The following SLAIN2 variants were observed in gnomAD, a reference collection of about 807,000 sequenced individuals.
SLAIN2 encodes the protein SLAIN family member 2.
Under a neutral mutation model 56.6 loss-of-function variants are expected in SLAIN2, and 31 were observed. The observed-to-expected ratio is 0.55, with a 90% confidence interval of 0.41 to 0.74. SLAIN2 has a LOEUF of 0.74. Among genes scored for constraint, SLAIN2 ranks in the 30% least tolerant of loss-of-function variants. The probability of loss-of-function intolerance (pLI) is 0.00; values close to 1 mark genes in which losing one functional copy is unlikely to be tolerated. For synonymous variants in SLAIN2, 317 were observed against 284.9 expected (o/e 1.11, Z -1.13); for missense variants, 777 against 754.2 (o/e 1.03, Z -0.35).
At chr4:48,352,159 A>G (rs1421540509) in intron 1 of SLAIN2, among the ~76,000 whole-genome samples, 1 of 152,332 alleles carries the variant, frequency 6.6e-6, no homozygotes, top group African/African-American at 2.4e-5. Flanking sequence ...TGGCAATAGT[A>G]TGTAGGCGAG....
At chr4:48,381,574 G>A (rs1175222827) in intron 4 of SLAIN2, among the ~76,000 whole-genome samples, 5 of 152,158 alleles carry the variant, frequency 3.3e-5, no homozygotes, top group South Asian at 4.1e-4. Flanking sequence ...TAGACACTAA[G>A]TAACTTGTTG....
intron 6 of SLAIN2, among the ~76,000 whole-genome samples, chr4:48,413,063 A>G (rs1716907633): frequency 6.6e-6 from 1 of 152,000 alleles, no homozygotes; most frequent in Non-Finnish European, 1.5e-5. Flanking sequence ...CTCCGTCTCT[A>G]CCAAAAAAAA....
chr4:48,351,125 C>CA (rs1388452486), intron 1 of SLAIN2, among the ~76,000 whole-genome samples: 3 of 152,140 alleles, frequency 2.0e-5, no homozygotes, highest in African/African-American at 7.2e-5. Context: ...AGAAAGTACC[C>CA]AATTATGTGT....
At chr4:48,361,071 A>G (rs557278323) in intron 1 of SLAIN2, among the ~76,000 whole-genome samples, 2 of 152,244 alleles carry the variant, frequency 1.3e-5, no homozygotes, top group African/African-American at 2.4e-5. Flanking sequence ...TGACAGGGCA[A>G]TCTAAATGTC....
intron 4 of SLAIN2, among the ~76,000 whole-genome samples, chr4:48,382,250 G>T (rs1257740459): frequency 6.6e-6 from 1 of 151,948 alleles, no homozygotes; most frequent in East Asian, 1.9e-4. Context: ...TCTCAAATTT[G>T]GATTACTGTC....
intron 6 of SLAIN2, among the ~76,000 whole-genome samples, chr4:48,404,555 A>G (rs571002561): frequency 5.2e-4 from 79 of 152,342 alleles, no homozygotes; most frequent in African/African-American, 1.9e-3. Context: ...TATGATTTTG[A>G]TATGTAAAAT....
rs1361615262 is a variant in SLAIN2 at position 48,424,039 on chromosome 4, A to G, written c.*1962A>G. ...CTAATAATTAAAAGGAATTTTACCT[A>G]TTATGAAACATATTACATTTTTTAA... On this transcript the variant is annotated 3_prime_UTR_variant, in exon 8 of 8. Transcript: ENST00000264313. 6.6e-6 allele frequency: 1 copy of G among 152,208 alleles called. No homozygotes were observed. The highest frequency in any genetic ancestry group is 1.5e-5 in the Non-Finnish European group (1 of 68,030). 9.4% of individuals were successfully genotyped at this position (152,208 alleles called of 1,614,324 possible). A position where few individuals can be genotyped will look rare whatever the true frequency, so the allele number is the denominator to read the frequency against.
chr4:48,388,383 C>T (rs1346596695), intron 6 of SLAIN2, among the ~76,000 whole-genome samples: 1 of 151,998 alleles, frequency 6.6e-6, no homozygotes, highest in Non-Finnish European at 1.5e-5. Flanking sequence ...TGTTAAAGCA[C>T]AGGTTTAGCA....
At chr4:48,391,040 T>A (rs1222617361) in intron 6 of SLAIN2, among the ~76,000 whole-genome samples, 1 of 152,224 alleles carries the variant, frequency 6.6e-6, no homozygotes, top group Non-Finnish European at 1.5e-5. Context: ...GTCTAATGAT[T>A]TTTCAGTGTC....
At chr4:48,414,566 TTTTTA>T (rs1475773241) in intron 6 of SLAIN2, among the ~76,000 whole-genome samples, 10 of 147,584 alleles carry the variant, frequency 6.8e-5, no homozygotes, top group African/African-American at 2.0e-4. Context: ...TTTTTTTTTT[TTTTTA>T]TTATACTCTA....
chr4:48,382,573 C>T lies in SLAIN2; in HGVS notation c.868C>T (p.Arg290Trp), dbSNP rs773333793. 1 of 1,559,282 alleles carries T rather than the reference C, an allele frequency of 6.4e-7. No homozygotes were observed. Among genetic ancestry groups the T allele is most frequent in the South Asian group, 1.2e-5 (1 of 82,396 alleles). ...ILARMQEESL[R>W]QEYAATTSRR... ...ATAACATTCATTGTTGCCAGGTCTC[C>T]GGCAAGAATATGCAGCCACCACGTC... Residue 290 changes from arginine to tryptophan, a missense_variant, in exon 5 of 8, where the codon CGG becomes TGG. Coordinates refer to ENST00000264313, the MANE Select transcript of SLAIN2 (RefSeq NM_020846.2).
At chr4:48,400,614 C>T (rs1355015603) in intron 6 of SLAIN2, among the ~76,000 whole-genome samples, 1 of 151,984 alleles carries the variant, frequency 6.6e-6, no homozygotes, top group Non-Finnish European at 1.5e-5. Context: ...GTTGGCCACA[C>T]TTGTCTTGAA....
Position 48,422,346 on chromosome 4 carries a change from A to G in SLAIN2, c.*269A>G, listed in dbSNP as rs1411353872. On this transcript the variant is annotated 3_prime_UTR_variant, in exon 8 of 8. Coordinates refer to ENST00000264313, the MANE Select transcript of SLAIN2 (RefSeq NM_020846.2). ...TAGAAACTAGGTTGATTTTTAAAAA[A>G]TATTTGACAGAGGCCAATATCTGGG... 1 of 304,870 alleles carries G rather than the reference A, an allele frequency of 3.3e-6. No homozygotes were observed. The highest frequency in any genetic ancestry group is 6.0e-6 in the Non-Finnish European group (1 of 165,456). The allele number at this position is 304,870 out of a possible 1,614,324, so 18.9% of individuals were successfully genotyped here.
Position 48,424,366 on chromosome 4 carries a change from T to G in SLAIN2, c.*2289T>G, listed in dbSNP as rs1378996516. On this transcript the variant is annotated 3_prime_UTR_variant, in exon 8 of 8. Transcript: ENST00000264313. ...TTAGTCTTACAGAAGAAATGTGGAT[T>G]TGATAAACTAGTGCCTATGATTTTA... 1 of 152,166 alleles carries G rather than the reference T, an allele frequency of 6.6e-6. No individual in the cohort carries two copies. The highest frequency in any genetic ancestry group is 1.5e-5 in the Non-Finnish European group (1 of 68,000). 9.4% of individuals were successfully genotyped at this position (152,166 alleles called of 1,614,324 possible). A position where few individuals can be genotyped will look rare whatever the true frequency, so the allele number is the denominator to read the frequency against.
At chr4:48,413,178 A>G (rs1359105328) in intron 6 of SLAIN2, among the ~76,000 whole-genome samples, 3 of 151,986 alleles carry the variant, frequency 2.0e-5, no homozygotes, top group Non-Finnish European at 2.9e-5. Context: ...CAGTGAACCA[A>G]GTTTGTGCCA....
intron 1 of SLAIN2, among the ~76,000 whole-genome samples, chr4:48,363,670 T>C (rs1577714590): frequency 1.1e-5 from 1 of 93,808 alleles, no homozygotes; most frequent in African/African-American, 4.1e-5. Context: ...GCAGAGGGGC[T>C]CCTCACTTCC....
intron 5 of SLAIN2, among the ~76,000 whole-genome samples, 162 bp from the exon 6 acceptor site, chr4:48,383,485 A>T (rs537731801): frequency 6.6e-6 from 1 of 152,032 alleles, no homozygotes; most frequent in Non-Finnish European, 1.5e-5. Flanking sequence ...CAGATCCTAG[A>T]TCGAGTTGTT....
intron 6 of SLAIN2, among the ~76,000 whole-genome samples, chr4:48,413,770 T>C (rs1716927329): frequency 6.6e-6 from 1 of 152,172 alleles, no homozygotes; most frequent in African/African-American, 2.4e-5. Context: ...TTATAAATTA[T>C]GCAGCTAAGG....
At chr4:48,358,489 T>C (rs905632443) in intron 1 of SLAIN2, among the ~76,000 whole-genome samples, 1 of 151,794 alleles carries the variant, frequency 6.6e-6, no homozygotes, top group African/African-American at 2.4e-5. Flanking sequence ...CCGGCTAATT[T>C]TGTATTTTTA....
Sources: allele counts gnomAD v4.1 joint callset (sites outside exome capture counted in the v4.1 genomes callset), GRCh38; gene constraint gnomAD v4.1.1; transcripts MANE v1.5; gene names NCBI Gene and HGNC (gene_info 2026-07-23, HGNC 2026-07-21).